NRXN3: variants seen among roughly 807,000 people sequenced by gnomAD.
NRXN3 encodes neurexin III.
A neutral mutation model predicts 137.6 loss-of-function variants in NRXN3; 32 were observed. The observed-to-expected ratio is 0.23, with a 90% CI of 0.18 to 0.31. NRXN3 has a LOEUF of 0.31. Ranked by LOEUF, NRXN3 falls within the 10% of genes least tolerant of loss-of-function variation. The pLI, the probability that NRXN3 is intolerant of heterozygous loss-of-function variation, is 1.00. For synonymous variants in NRXN3, 798 were observed against 784.5 expected (o/e 1.02, Z -0.29); for missense variants, 1,574 against 2,062.5 (o/e 0.76, Z 4.59).
At chr14:78,731,517 A>G (rs938543616) in intron 8 of NRXN3, among the ~76,000 whole-genome samples, 15 of 152,084 alleles carry the variant, frequency 9.9e-5, no homozygotes, top group Admixed American at 8.5e-4. Flanking sequence ...AAAAATAAAT[A>G]TAATTGAGCA....
At chr14:78,629,270 T>C (rs1352112825) in intron 4 of NRXN3, among the ~76,000 whole-genome samples, 2 of 152,186 alleles carry the variant, frequency 1.3e-5, no homozygotes, top group Non-Finnish European at 2.9e-5. Context: ...AAAAAATAAG[T>C]ATTGGCTCCT....
chr14:78,254,924 G>T (rs1276431222), intron 2 of NRXN3, among the ~76,000 whole-genome samples: 2 of 151,966 alleles, frequency 1.3e-5, no homozygotes, highest in Non-Finnish European at 2.9e-5. Flanking sequence ...GGCCTTGGAA[G>T]CACATTCCCT....
chr14:78,709,795 AT>A, intron 7 of NRXN3, 140 bp downstream of exon 7: 2 of 736,144 alleles, frequency 2.7e-6, no homozygotes, highest in Non-Finnish European at 4.3e-6. Context: ...CTGTTGTAAA[AT>A]TATGTTTCTG....
At chr14:79,231,916 G>A (rs2153276551) in intron 15 of NRXN3, among the ~76,000 whole-genome samples, 1 of 152,102 alleles carries the variant, frequency 6.6e-6, no homozygotes, top group African/African-American at 2.4e-5. Flanking sequence ...TGATAGGAGA[G>A]GGAAGTTGAG....
At chr14:78,351,809 G>T (rs2083544837) in intron 4 of NRXN3, among the ~76,000 whole-genome samples, 1 of 143,332 alleles carries the variant, frequency 7.0e-6, no homozygotes, top group Non-Finnish European at 1.5e-5. Context: ...GCCAAAAAGA[G>T]GTTTTAACAT....
At chr14:78,288,016 G>A (rs931445865) in intron 3 of NRXN3, among the ~76,000 whole-genome samples, 1 of 151,152 alleles carries the variant, frequency 6.6e-6, no homozygotes, top group Non-Finnish European at 1.5e-5. Context: ...GTCTTGCTCT[G>A]TTGCCCAGGC....
chr14:78,280,013 T>G (rs1263435219), intron 3 of NRXN3, among the ~76,000 whole-genome samples: 1 of 152,192 alleles, frequency 6.6e-6, no homozygotes, highest in Non-Finnish European at 1.5e-5. Flanking sequence ...AAATAATTGG[T>G]GTTTGAACCA....
At chr14:79,462,771 G>A (rs2096364692) in intron 15 of NRXN3, among the ~76,000 whole-genome samples, 3 of 146,618 alleles carry the variant, frequency 2.0e-5, no homozygotes, top group Non-Finnish European at 3.0e-5. Context: ...TTTTTTAACT[G>A]AACCTTTTTT....
intron 19 of NRXN3, among the ~76,000 whole-genome samples, chr14:79,728,001 A>AC (rs1568029021): frequency 1.3e-5 from 2 of 152,160 alleles, no homozygotes; most frequent in African/African-American, 4.8e-5. Flanking sequence ...AAAGTGGACT[A>AC]TTAACTCTCA....
chr14:79,597,475 T>G (rs17836202), intron 16 of NRXN3, among the ~76,000 whole-genome samples: 19,553 of 152,166 alleles, frequency 0.13, 1,411 homozygotes, highest in South Asian at 0.23. Flanking sequence ...GGTGGTTGCT[T>G]TTTAGTATGC....
At chr14:78,250,842 G>T (rs1365519330) in intron 2 of NRXN3, among the ~76,000 whole-genome samples, 6 of 152,218 alleles carry the variant, frequency 3.9e-5, no homozygotes. Flanking sequence ...TCTGTCGTGA[G>T]ATGGAGCATT....
intron 19 of NRXN3, among the ~76,000 whole-genome samples, chr14:79,731,003 G>T (rs1244149832): frequency 6.6e-6 from 1 of 152,076 alleles, no homozygotes; most frequent in African/African-American, 2.4e-5. Context: ...TGTTTCCTTT[G>T]GAAAAAACCT....
At chr14:78,474,284 T>C (rs1470689506) in intron 4 of NRXN3, among the ~76,000 whole-genome samples, 2 of 152,184 alleles carry the variant, frequency 1.3e-5, no homozygotes, top group Non-Finnish European at 2.9e-5. Context: ...AAGCCTATAT[T>C]GGAGTGTACA....
chr14:79,608,081 AT>A (rs1207533706), intron 16 of NRXN3, among the ~76,000 whole-genome samples: 1 of 152,150 alleles, frequency 6.6e-6, no homozygotes, highest in African/African-American at 2.4e-5. Flanking sequence ...ATCTGGTTTT[AT>A]TGATAAATAT....
chr14:79,536,955 G>T (rs1157551054), intron 16 of NRXN3, among the ~76,000 whole-genome samples: 4 of 152,054 alleles, frequency 2.6e-5, no homozygotes, highest in Non-Finnish European at 5.9e-5. Context: ...AATGATTTAT[G>T]TTCCTTTGGG....
At chr14:79,744,208 T>C (rs1268635246) in intron 19 of NRXN3, among the ~76,000 whole-genome samples, 2 of 152,300 alleles carry the variant, frequency 1.3e-5, no homozygotes, top group East Asian at 3.9e-4. Context: ...CAATATGTCG[T>C]GAACAAGGGT....
intron 15 of NRXN3, among the ~76,000 whole-genome samples, chr14:79,275,658 A>G (rs1027723984): frequency 7.9e-5 from 12 of 151,818 alleles, no homozygotes; most frequent in Admixed American, 5.2e-4. Context: ...GGCACAGACC[A>G]AAACAAGATA....
At chr14:78,928,121 C>T (rs111441547) in intron 10 of NRXN3, among the ~76,000 whole-genome samples, 26 of 152,184 alleles carry the variant, frequency 1.7e-4, no homozygotes, top group African/African-American at 5.8e-4. Flanking sequence ...ACCAGCTTTC[C>T]TCCCTTCTCT....
At chr14:78,173,775 C>T (rs2058998610) in intron 1 of NRXN3, among the ~76,000 whole-genome samples, 1 of 127,388 alleles carries the variant, frequency 7.9e-6, no homozygotes, top group South Asian at 2.6e-4. Context: ...ACGGATGCAG[C>T]CTTCTGATAG....
Sources: gnomAD v4.1 joint callset for allele counts (sites outside exome capture counted in the v4.1 genomes callset) on GRCh38, gnomAD v4.1.1 for gene constraint, MANE v1.5 for transcripts, NCBI Gene and HGNC (gene_info 2026-07-23, HGNC 2026-07-21) for gene names.